Variants in EEPD1 observed in about 807,000 individuals in gnomAD.
EEPD1 encodes the protein endonuclease/exonuclease/phosphatase family domain containing 1, also known as endonuclease/exonuclease/phosphatase family domain-containing protein 1.
A neutral mutation model predicts 46.3 loss-of-function variants in EEPD1; 17 were observed. The observed-to-expected ratio is 0.37, with a 90% CI of 0.25 to 0.55. The LOEUF is 0.55. Ranked by LOEUF, EEPD1 falls within the 20% of genes least tolerant of loss-of-function variation. EEPD1 has a pLI of 0.83. For missense variants in EEPD1, 673 were observed against 745.6 expected, an observed-to-expected ratio of 0.90 and a Z score of 1.13; for synonymous variants, 313 against 315.6, an observed-to-expected ratio of 0.99 and a Z score of 0.09.
Position 36,299,131 on chromosome 7 carries a change from C to A in EEPD1, c.1635C>A (p.Ser545Arg). 1.2e-6 allele frequency: 2 copies of A among 1,611,566 alleles called. No homozygotes were observed. Among genetic ancestry groups the A allele is most frequent in the Non-Finnish European group, 1.7e-6 (2 of 1,177,924 alleles). The stretch of plus-strand genomic sequence containing the variant: ...AGTTCTACACTGAAAAGGACTGGAG[C>A]AAGAAGGATGCCCCTCGGAACGGCA... The part of the protein sequence containing the change: ...LAEFYTEKDW[S>R]KKDAPRNGSG... Residue 545 changes from serine to arginine, a missense_variant, in exon 8 of 8, where the codon AGC (serine) becomes AGA (arginine). Ser to Arg is a moderately radical substitution (Grantham distance 110). Coordinates refer to ENST00000242108, the MANE Select transcript of EEPD1 (RefSeq NM_030636.3).
chr7:36,153,728 C>T (rs923572540), intron 1 of EEPD1, 54 bp downstream of exon 1: 32 of 152,776 alleles, frequency 2.1e-4, no homozygotes, highest in African/African-American at 7.5e-4. Flanking sequence ...AGCCCCTTCT[C>T]AGTGCCCGCT....
In EEPD1 at chr7:36,299,206, A is replaced by G. The variant is rs751140558; in HGVS notation, c.1710A>G (p.Ter570TrpextTer1). 23 of 1,613,436 alleles carry G rather than the reference A, an allele frequency of 1.4e-5. 1 individual carries two copies. The Admixed American group carries it at 3.8e-4, about 27-fold the overall frequency. Residue 570 changes from the stop codon to tryptophan (W), a stop_lost, in exon 8 of 8, where the codon TGA becomes TGG. Transcript: ENST00000242108. The stretch of plus-strand genomic sequence containing the variant: ...AAGCCAACATCAAGCACGAGCGATG[A>G]TGACACCAAATCCATGTGTCCACCC... Reference protein sequence around the residue: ...RSEANIKHER* With the variant: ...RSEANIKHERW
At chr7:36,241,783 G>A (rs1289115093) in intron 3 of EEPD1, among the ~76,000 whole-genome samples, 4 of 152,034 alleles carry the variant, frequency 2.6e-5, no homozygotes, top group African/African-American at 9.7e-5. Flanking sequence ...CAGGATAATC[G>A]CTTGAGTCTG....
At chr7:36,261,632 A>T (rs1285681529) in intron 3 of EEPD1, among the ~76,000 whole-genome samples, 2 of 152,216 alleles carry the variant, frequency 1.3e-5, no homozygotes, top group East Asian at 3.8e-4. Flanking sequence ...TTCATTAATG[A>T]TTCATTCATT....
chr7:36,200,414 G>A (rs1785693565), intron 2 of EEPD1, among the ~76,000 whole-genome samples: 1 of 152,084 alleles, frequency 6.6e-6, no homozygotes, highest in African/African-American at 2.4e-5. Context: ...ATGACTTTAA[G>A]GATAGCTGTT....
intron 5 of EEPD1, among the ~76,000 whole-genome samples, chr7:36,286,440 T>A (rs1318685700): frequency 6.6e-6 from 1 of 152,206 alleles, no homozygotes; most frequent in South Asian, 2.1e-4. Context: ...GGGCTTCCCC[T>A]ATACCCCTTC....
chr7:36,272,497 T>TTTG (rs1554321108), intron 3 of EEPD1, among the ~76,000 whole-genome samples: 34,647 of 101,152 alleles, frequency 0.34, 4,585 homozygotes, highest in South Asian at 0.5. Flanking sequence ...TTTCTGGTTT[T>TTTG]TTGTTGTTGT....
chr7:36,253,672 C>A (rs1456165718), intron 3 of EEPD1, among the ~76,000 whole-genome samples: 1 of 152,026 alleles, frequency 6.6e-6, no homozygotes. Context: ...TTGATTGACT[C>A]TTTTATTATG....
intron 2 of EEPD1, among the ~76,000 whole-genome samples, chr7:36,197,476 G>T (rs1170777403): frequency 6.6e-6 from 1 of 152,244 alleles, no homozygotes; most frequent in Non-Finnish European, 1.5e-5. Context: ...TAGAAAAGGG[G>T]GCAAGGTGGG....
intron 3 of EEPD1, 145 bp downstream of exon 3, chr7:36,239,181 A>T: frequency 1.2e-6 from 1 of 841,128 alleles, no homozygotes. Flanking sequence ...ATCATGCAGA[A>T]TTTTAATCTG....
intron 2 of EEPD1, among the ~76,000 whole-genome samples, chr7:36,179,159 C>A (rs778224444): frequency 1.3e-5 from 2 of 152,192 alleles, no homozygotes; most frequent in Non-Finnish European, 2.9e-5. Context: ...TGGCTTTAAT[C>A]TGCGGGATTT....
chr7:36,198,517 A>G lies in EEPD1; in HGVS notation c.879-40468A>G, dbSNP rs192280078. On this transcript the variant is annotated intron_variant, in intron 2 of 7. Coordinates refer to ENST00000242108, the MANE Select transcript of EEPD1 (RefSeq NM_030636.3). Reference sequence around the variant, plus strand: ...ATTGACAGAGATGTCATTATGTGGTACGTGACTGTAGAATTTTTATTTGTC... The same window carrying G: ...ATTGACAGAGATGTCATTATGTGGTGCGTGACTGTAGAATTTTTATTTGTC... 2.6e-4 allele frequency among the ~76,000 whole-genome samples: 39 copies of G among 150,850 alleles called. No individual in the cohort carries two copies. In the East Asian group the frequency reaches 7.2e-3, roughly 28 times the overall value.
chr7:36,237,155 C>T (rs568686115), intron 2 of EEPD1, among the ~76,000 whole-genome samples: 1 of 152,216 alleles, frequency 6.6e-6, no homozygotes, highest in Non-Finnish European at 1.5e-5. Flanking sequence ...TGCAGCTTCA[C>T]TCCTCAAGTC....
chr7:36,162,480 C>G (rs1784914905), intron 2 of EEPD1, among the ~76,000 whole-genome samples: 1 of 152,050 alleles, frequency 6.6e-6, no homozygotes, highest in Admixed American at 6.6e-5. Flanking sequence ...CCCATCTCTA[C>G]AAAAAATACA....
chr7:36,205,902 G>A (rs1358810091), intron 2 of EEPD1, among the ~76,000 whole-genome samples: 1 of 151,758 alleles, frequency 6.6e-6, no homozygotes, highest in Non-Finnish European at 1.5e-5. Context: ...CTGGGGTAAT[G>A]GGGGCACTGA....
At chr7:36,296,774 C>G (rs926366934) in intron 6 of EEPD1, among the ~76,000 whole-genome samples, 5 of 147,896 alleles carry the variant, frequency 3.4e-5, no homozygotes, top group African/African-American at 1.3e-4. Context: ...GTCACGCTGC[C>G]CCTGATTTCC....
chr7:36,223,153 A>T (rs373450853), intron 2 of EEPD1, among the ~76,000 whole-genome samples: 3 of 150,506 alleles, frequency 2.0e-5, no homozygotes, highest in South Asian at 4.2e-4. Flanking sequence ...TGTGTCTCAA[A>T]AAATAAATAA....
At chr7:36,278,452 C>T (rs1413952321) in intron 3 of EEPD1, among the ~76,000 whole-genome samples, 1 of 148,648 alleles carries the variant, frequency 6.7e-6, no homozygotes, top group Non-Finnish European at 1.5e-5. Flanking sequence ...CTTCTCCACC[C>T]CCAGGGCTGG....
intron 2 of EEPD1, among the ~76,000 whole-genome samples, chr7:36,158,000 T>G (rs1038961205): frequency 3.3e-5 from 5 of 152,228 alleles, no homozygotes; most frequent in African/African-American, 1.2e-4. Context: ...TACATCCATG[T>G]GTACCTGTAA....
Sources: gnomAD v4.1 joint callset for allele counts (sites outside exome capture counted in the v4.1 genomes callset) on GRCh38, gnomAD v4.1.1 for gene constraint, MANE v1.5 for transcripts, NCBI Gene and HGNC (gene_info 2026-07-23, HGNC 2026-07-21) for gene names.